Variants in KASH5 observed in about 807,000 individuals in gnomAD.
KASH5 encodes KASH domain containing 5.
Under a neutral mutation model 84.2 loss-of-function variants are expected in KASH5, and 72 were observed. The observed-to-expected ratio is 0.85, with a 90% CI of 0.71 to 1.04. KASH5 has a LOEUF of 1.04. Among genes scored for constraint, KASH5 ranks in the 50% least tolerant of loss-of-function variants. The probability of loss-of-function intolerance (pLI) is 0.00; values close to 1 mark genes in which losing one functional copy is unlikely to be tolerated. For missense variants in KASH5, 650 were observed against 701.0 expected, an observed-to-expected ratio of 0.93 and a Z score of 0.82; for synonymous variants, 260 against 279.1, an observed-to-expected ratio of 0.93 and a Z score of 0.68.
intron 9 of KASH5, among the ~76,000 whole-genome samples, chr19:49,404,026 G>A (rs1335715030): frequency 1.3e-5 from 2 of 152,224 alleles, no homozygotes; most frequent in Non-Finnish European, 2.9e-5. Flanking sequence ...GGAGGCAGGA[G>A]CAGCTGAGTA....
Position 49,407,739 on chromosome 19 carries a change from C to T in KASH5, c.993+68C>T, listed in dbSNP as rs1974578155. The T allele has an allele frequency of 2.3e-5, 34 of 1,478,448 alleles. No homozygotes were observed. In the East Asian group the frequency reaches 8.1e-4, roughly 35 times the overall value. The allele number at this position is 1,478,448 out of a possible 1,614,324, so 91.6% of individuals were successfully genotyped here. ...TCTCTTTTGCCATCTCTGGGACTTG[C>T]TGCCTCTCCTCCTCGTGCCTCTTTG... On this transcript the variant is annotated intron_variant, in intron 12 of 19. Transcript: ENST00000447857.
chr19:49,399,879 A>G lies in KASH5; in HGVS notation c.798+372A>G, dbSNP rs1043559931. 3 of 283,218 alleles carry G rather than the reference A, an allele frequency of 1.1e-5. No homozygotes were observed. Among genetic ancestry groups the G allele is most frequent in the Non-Finnish European group, 2.0e-5 (3 of 147,638 alleles). The allele number at this position is 283,218 out of a possible 1,614,324, so 17.5% of individuals were successfully genotyped here. A position where few individuals can be genotyped will look rare whatever the true frequency, so the allele number is the denominator to read the frequency against. Reference sequence around the variant, plus strand: ...AAGTCTTGGGCACAAGGTAGGACACATAGGATGTGCTCACTAAAAGTTATC... The same window carrying G: ...AAGTCTTGGGCACAAGGTAGGACACGTAGGATGTGCTCACTAAAAGTTATC... On this transcript the variant is annotated intron_variant, in intron 9 of 19. Transcript: ENST00000447857. This position sits in a 1 kb window ranked among gnomAD's most constrained non-coding sequence, Gnocchi z 4.4.
intron 16 of KASH5, 36 bp downstream of exon 16, chr19:49,413,062 C>T (rs1445261023): frequency 6.3e-7 from 1 of 1,593,596 alleles, no homozygotes; most frequent in Non-Finnish European, 8.6e-7. Context: ...CTCAGGGTGA[C>T]ACCTTATTCA....
At chr19:49,405,833 G>A (rs1974507383) in intron 9 of KASH5, among the ~76,000 whole-genome samples, 2 of 151,758 alleles carry the variant, frequency 1.3e-5, no homozygotes, top group African/African-American at 2.4e-5. Context: ...GCACATGCCT[G>A]TAATCCCAGC....
chr19:49,411,853 G>A (rs1439768315), intron 15 of KASH5, among the ~76,000 whole-genome samples: 2 of 151,108 alleles, frequency 1.3e-5, no homozygotes, highest in Admixed American at 1.3e-4. Context: ...GATATTGAAG[G>A]AAAACTGATA....
chr19:49,406,654 C>T (rs955546491), intron 9 of KASH5, among the ~76,000 whole-genome samples: 2 of 152,146 alleles, frequency 1.3e-5, no homozygotes, highest in East Asian at 1.9e-4. Flanking sequence ...GGATTACAGG[C>T]GTGAGCCACT....
At position 49,417,165 on chromosome 19, in the gene KASH5, G is replaced by A. The variant is rs370799170; in HGVS notation, c.1446G>A (p.Ala482=). 19 of 1,613,552 alleles carry A rather than the reference G, an allele frequency of 1.2e-5. No homozygotes were observed. The highest frequency in any genetic ancestry group is 1.1e-4 in the East Asian group (5 of 44,890). ...CCCTCCTTCACCCCAGCAGACCTGC[G>A]CGGCGGGAACTCCAGCAAGCCCTGG... is the stretch of plus-strand genomic sequence containing the variant. ...DIPENPPERP[A]RRELQQALVP... Residue 482 remains alanine, a synonymous_variant, in exon 19 of 20, where the codon GCG becomes GCA. Coordinates refer to ENST00000447857, the MANE Select transcript of KASH5 (RefSeq NM_144688.5). The surrounding 1 kb of genome is among the most constrained non-coding windows in gnomAD (Gnocchi z 5.2).
intron 2 of KASH5, 39 bp downstream of exon 2, chr19:49,390,965 G>C: frequency 4.4e-6 from 7 of 1,600,914 alleles, no homozygotes; most frequent in Non-Finnish European, 6.0e-6. Context: ...GGGAGGGTGA[G>C]GAGGGAGCCA....
In KASH5 at chr19:49,390,804, CTGGT is replaced by C. The variant is rs1414482048; in HGVS notation, c.-79_-76del. 6.8e-7 allele frequency: 1 copy of C among 1,474,608 alleles called. No individual in the cohort carries two copies. The highest frequency in any genetic ancestry group is 2.5e-5 in the East Asian group (1 of 40,600). The allele number at this position is 1,474,608 out of a possible 1,614,324, so 91.3% of individuals were successfully genotyped here. On this transcript the variant is annotated 5_prime_UTR_variant, in exon 2 of 20. Coordinates refer to ENST00000447857, the MANE Select transcript of KASH5 (RefSeq NM_144688.5). ...CTCCTTCCAGGAGTGCTCGGGCCAG[CTGGT>C]CCTTTTCCCATCCCTCCCCATGAAG...
intron 5 of KASH5, among the ~76,000 whole-genome samples, 193 bp downstream of exon 5, chr19:49,396,026 G>T (rs1974165307): frequency 6.6e-6 from 1 of 152,146 alleles, no homozygotes; most frequent in African/African-American, 2.4e-5. Flanking sequence ...TCAGAGGGTG[G>T]TTTCCAACTC....
At chr19:49,406,012 C>T (rs934039486) in intron 9 of KASH5, among the ~76,000 whole-genome samples, 3 of 146,550 alleles carry the variant, frequency 2.0e-5, no homozygotes, top group Admixed American at 6.8e-5. Flanking sequence ...GCTGTAATCC[C>T]AGCTACTAGG....
chr19:49,417,690 A>C lies in KASH5; in HGVS notation c.*180A>C. 1.3e-6 allele frequency: 1 copy of C among 761,214 alleles called. No individual in the cohort carries two copies. The highest frequency in any genetic ancestry group is 1.9e-6 in the Non-Finnish European group (1 of 528,026). 47.2% of individuals were successfully genotyped at this position (761,214 alleles called of 1,614,324 possible). Reference sequence around the variant, plus strand: ...AGTTTTTTAATGCTGACATTTCTTAACAATAGCAAAACTCCCCCAGTAATG... The same window carrying C: ...AGTTTTTTAATGCTGACATTTCTTACCAATAGCAAAACTCCCCCAGTAATG... On this transcript the variant is annotated 3_prime_UTR_variant, in exon 20 of 20. Coordinates refer to ENST00000447857, the MANE Select transcript of KASH5 (RefSeq NM_144688.5). This position sits in a 1 kb window ranked among gnomAD's most constrained non-coding sequence, Gnocchi z 5.2.
chr19:49,396,735 T>TC (rs1974195101), intron 5 of KASH5, among the ~76,000 whole-genome samples: 1 of 151,766 alleles, frequency 6.6e-6, no homozygotes, highest in Non-Finnish European at 1.5e-5. Flanking sequence ...CACCATTGTA[T>TC]CCCCAGGACC....
rs1264581053 is a variant in KASH5, at chr19:49,416,876, C to T, written c.1375-139C>T. ...CCAGAAGCTGGCAGAAATGGGAACC[C>T]GACCTGGCAGCAGAAGTGCACTCAC... On this transcript the variant is annotated intron_variant, in intron 17 of 19. Coordinates refer to ENST00000447857, the MANE Select transcript of KASH5 (RefSeq NM_144688.5). This position sits in a 1 kb window ranked among gnomAD's most constrained non-coding sequence, Gnocchi z 5.4. 1.3e-5 allele frequency: 11 copies of T among 822,970 alleles called. 1 individual carries two copies. The Admixed American group carries it at 2.0e-4, about 15-fold the overall frequency. The allele number at this position is 822,970 out of a possible 1,614,324, so 51.0% of individuals were successfully genotyped here.
At chr19:49,396,258 T>G (rs1159079985) in intron 5 of KASH5, among the ~76,000 whole-genome samples, 39 of 95,426 alleles carry the variant, frequency 4.1e-4, no homozygotes, top group East Asian at 1.1e-3. Context: ...TTTTTTTTTT[T>G]TTTTTTTTTT....
Position 49,395,595 on chromosome 19 carries a change from C to G in KASH5, c.336-174C>G. On this transcript the variant is annotated intron_variant, in intron 4 of 19. Transcript: ENST00000447857. The surrounding 1 kb of genome is among the most constrained non-coding windows in gnomAD (Gnocchi z 4.4). ...TTCACCAAACCCACTCCTTGCCCCT[C>G]CTGCTTTTCCATCTGGCCACGGGCA... The G allele has an allele frequency of 3.0e-6, 2 of 675,684 alleles. No individual in the cohort carries two copies. 41.9% of individuals were successfully genotyped at this position (675,684 alleles called of 1,614,324 possible). A position where few individuals can be genotyped will look rare whatever the true frequency, so the allele number is the denominator to read the frequency against.
chr19:49,390,439 G>A, intron 1 of KASH5: 1 of 169,006 alleles, frequency 5.9e-6, no homozygotes, highest in South Asian at 1.5e-4. Context: ...GGGAGGGGCA[G>A]GTCAGCTCTG....
intron 2 of KASH5, among the ~76,000 whole-genome samples, chr19:49,392,393 CATAG>C (rs1429215411): frequency 2.0e-5 from 3 of 152,046 alleles, no homozygotes; most frequent in Non-Finnish European, 4.4e-5. Flanking sequence ...AGGACAGAGA[CATAG>C]AGGAGATAGA....
rs746227117 is a variant in KASH5, at chr19:49,409,798, G to C, written c.1192G>C (p.Val398Leu). 6.2e-7 allele frequency: 1 copy of C among 1,613,998 alleles called. No homozygotes were observed. Among genetic ancestry groups the C allele is most frequent in the Non-Finnish European group, 8.5e-7 (1 of 1,179,862 alleles). Reference protein sequence around the residue: ...TADLSNPLCGVWQWEEVIHET... With the variant: ...TADLSNPLCGLWQWEEVIHET... Reference sequence around the variant, plus strand: ...TGATCTCTCCAACCCTCTGTGTGGGGTGTGGCAGTGGGAGGAAGTCATCCA... The same window carrying C: ...TGATCTCTCCAACCCTCTGTGTGGGCTGTGGCAGTGGGAGGAAGTCATCCA... The change falls in exon 15 of 20, where the codon GTG (valine) becomes CTG (leucine). Residue 398 changes from valine to leucine, a missense_variant. Transcript: ENST00000447857.
Sources: gnomAD v4.1 joint callset for allele counts (sites outside exome capture counted in the v4.1 genomes callset) on GRCh38, gnomAD v4.1.1 for gene constraint, Gnocchi (gnomAD v3.1) non-coding constraint, MANE v1.5 for transcripts, NCBI Gene and HGNC (gene_info 2026-07-23, HGNC 2026-07-21) for gene names.